PHLDB2: variants seen among roughly 807,000 people sequenced by gnomAD.
The protein encoded by PHLDB2 is pleckstrin homology-like domain family B member 2.
PHLDB2 carries 71 observed loss-of-function variants against 123.6 expected under a neutral mutation model. The observed-to-expected ratio is 0.57, with a 90% CI of 0.47 to 0.70. The LOEUF (loss-of-function observed/expected upper bound fraction) is 0.70. PHLDB2 is among the 30% of genes least tolerant of loss of function. The pLI is 0.00. For synonymous variants in PHLDB2, 547 were observed against 541.6 expected, an observed-to-expected ratio of 1.01 and a Z score of -0.14; for missense variants, 1,446 against 1,519.5, an observed-to-expected ratio of 0.95 and a Z score of 0.80.
At chr3:111,840,443 G>A (rs1387953130) in intron 1 of PHLDB2, among the ~76,000 whole-genome samples, 1 of 152,042 alleles carries the variant, frequency 6.6e-6, no homozygotes, top group African/African-American at 2.4e-5. Flanking sequence ...TTAATGTGGT[G>A]TTTGGATTCT....
chr3:111,871,846 G>A (rs2065356695), intron 1 of PHLDB2, among the ~76,000 whole-genome samples: 1 of 152,152 alleles, frequency 6.6e-6, no homozygotes, highest in African/African-American at 2.4e-5. Flanking sequence ...ACAGTTACCA[G>A]AATTGTACCA....
chr3:111,774,476 C>T (rs376068659), intron 1 of PHLDB2, among the ~76,000 whole-genome samples: 16 of 152,196 alleles, frequency 1.1e-4, no homozygotes, highest in East Asian at 9.7e-4. Flanking sequence ...AGTGGCTTGG[C>T]GCATCTGCAT....
rs2059558324 is a variant in PHLDB2, at chr3:111,739,238, ATGT to A, written c.-49+6537_-49+6539del. Among the ~76,000 whole-genome samples, 2 of 152,128 alleles carry A rather than the reference ATGT, an allele frequency of 1.3e-5. 1 individual carries two copies. Among genetic ancestry groups the A allele is most frequent in the Admixed American group, 1.3e-4 (2 of 15,262 alleles). ...AGATCCCAGCTATGCCACCTTGAAG[ATGT>A]TATAAATTGGTGAGTCTGGGCATTG... On this transcript the variant is annotated intron_variant, in intron 1 of 17. Transcript: ENST00000393923.
intron 12 of PHLDB2, among the ~76,000 whole-genome samples, chr3:111,956,158 C>T (rs2071043804): frequency 1.3e-5 from 2 of 152,164 alleles, no homozygotes; most frequent in South Asian, 4.1e-4. Context: ...CATGCCACTA[C>T]ACTACAGCCT....
At chr3:111,841,406 A>G (rs2063688106) in intron 1 of PHLDB2, among the ~76,000 whole-genome samples, 2 of 152,202 alleles carry the variant, frequency 1.3e-5, no homozygotes, top group Non-Finnish European at 2.9e-5. Flanking sequence ...CCTCCTACAT[A>G]CCAGGAACTA....
At chr3:111,905,836 A>G (rs764861699) in intron 2 of PHLDB2, among the ~76,000 whole-genome samples, 44 of 152,180 alleles carry the variant, frequency 2.9e-4, no homozygotes, top group Non-Finnish European at 5.7e-4. Flanking sequence ...CAGCTCCATT[A>G]TAATCTTTTT....
intron 1 of PHLDB2, among the ~76,000 whole-genome samples, chr3:111,840,316 T>A (rs1434981727): frequency 2.0e-5 from 3 of 152,164 alleles, no homozygotes; most frequent in Non-Finnish European, 2.9e-5. Context: ...CAACTGAGGA[T>A]AATATACAAT....
chr3:111,916,095 G>A (rs564541588), intron 3 of PHLDB2: 6 of 152,218 alleles, frequency 3.9e-5, no homozygotes, highest in African/African-American at 1.4e-4. Context: ...CCTGGAGAGG[G>A]CTATGACAAG....
chr3:111,935,846 G>A (rs1190589468), intron 6 of PHLDB2, among the ~76,000 whole-genome samples: 2 of 152,168 alleles, frequency 1.3e-5, no homozygotes, highest in Admixed American at 1.3e-4. Context: ...CCAGCCCACC[G>A]ACTCAAATGT....
At chr3:111,747,046 G>T (rs2059692845) in intron 1 of PHLDB2, among the ~76,000 whole-genome samples, 1 of 151,976 alleles carries the variant, frequency 6.6e-6, no homozygotes. Flanking sequence ...ACCTTTTCTG[G>T]TAGTAAAGAC....
intron 2 of PHLDB2, among the ~76,000 whole-genome samples, chr3:111,897,290 G>A (rs2066929759): frequency 1.3e-5 from 2 of 152,226 alleles, no homozygotes; most frequent in African/African-American, 4.8e-5. Context: ...GAGGCAAAGG[G>A]AAATCCCAGA....
Position 111,796,058 on chromosome 3 carries a change from G to A in PHLDB2, c.-48-49763G>A, listed in dbSNP as rs190444952. ...ATTACAGGCGCCCGCCACCACGCCC[G>A]GGCTAATTTTGTGTATTTTTAGTAG... On this transcript the variant is annotated intron_variant, in intron 1 of 17. Coordinates refer to the PHLDB2 transcript ENST00000393923. Among the ~76,000 whole-genome samples, 495 of 151,890 alleles carry A rather than the reference G, an allele frequency of 3.3e-3. 6 individuals carry two copies. The highest frequency in any genetic ancestry group is 0.011 in the African/African-American group (461 of 41,428).
chr3:111,932,083 A>T (rs1431237170), intron 5 of PHLDB2, among the ~76,000 whole-genome samples, 186 bp from the exon 6 acceptor site: 1 of 152,208 alleles, frequency 6.6e-6, no homozygotes, highest in Non-Finnish European at 1.5e-5. Context: ...GCAGAAACCC[A>T]GTCCCTTTGT....
At chr3:111,964,922 T>C (rs2107673404) in intron 13 of PHLDB2, among the ~76,000 whole-genome samples, 1 of 152,280 alleles carries the variant, frequency 6.6e-6, no homozygotes, top group African/African-American at 2.4e-5. Context: ...ATTCAAATTA[T>C]TTTCAAATTA....
At chr3:111,873,737 G>A (rs889679336) in intron 1 of PHLDB2, among the ~76,000 whole-genome samples, 19 of 152,146 alleles carry the variant, frequency 1.2e-4, no homozygotes, top group Admixed American at 3.3e-4. Context: ...TCAAAGCAAA[G>A]TCCTTCTTTC....
At position 111,932,364 on chromosome 3, in the gene PHLDB2, C is replaced by A. The variant is rs1175647433; in HGVS notation, c.2097C>A (p.Ser699=). The A allele has an allele frequency of 1.3e-6, 2 of 1,551,606 alleles. No homozygotes were observed. The highest frequency in any genetic ancestry group is 3.9e-5 in the Admixed American group (2 of 50,972). The change falls in exon 6 of 18, where the codon TCC becomes TCA. Residue 699 remains serine, a synonymous_variant. Coordinates refer to ENST00000431670, the MANE Select transcript of PHLDB2 (RefSeq NM_001134438.2). Reference sequence around the variant, plus strand: ...CCCAGCTGGACAATTGTCCTGAGTCCATGAGGGAACAGTTACAACAACAAC... The same window carrying A: ...CCCAGCTGGACAATTGTCCTGAGTCAATGAGGGAACAGTTACAACAACAAC... ...QKTQLDNCPE[S]MREQLQQQLK...
chr3:111,736,949 T>C (rs558715049), intron 1 of PHLDB2, among the ~76,000 whole-genome samples: 7 of 152,278 alleles, frequency 4.6e-5, no homozygotes, highest in Non-Finnish European at 7.4e-5. Context: ...TATACATGAG[T>C]AGGGACTAGA....
At chr3:111,935,896 A>G (rs1348262263) in intron 6 of PHLDB2, among the ~76,000 whole-genome samples, 1 of 152,192 alleles carries the variant, frequency 6.6e-6, no homozygotes, top group East Asian at 1.9e-4. Flanking sequence ...CCCAGGATCA[A>G]TACTTTGCAT....
intron 1 of PHLDB2, among the ~76,000 whole-genome samples, chr3:111,818,984 C>A (rs2062232189): frequency 6.6e-6 from 1 of 152,138 alleles, no homozygotes; most frequent in Non-Finnish European, 1.5e-5. Context: ...AACAGAAATG[C>A]ATTTTCTCAC....
Sources: allele counts gnomAD v4.1 joint callset (sites outside exome capture counted in the v4.1 genomes callset), GRCh38; gene constraint gnomAD v4.1.1; transcripts MANE v1.5; gene names NCBI Gene and HGNC (gene_info 2026-07-23, HGNC 2026-07-21).